IFT57: variants seen among roughly 807,000 people sequenced by gnomAD.
The protein encoded by IFT57 is intraflagellar transport 57.
A neutral mutation model predicts 56.8 loss-of-function variants in IFT57; 59 were observed. The ratio of observed to expected loss-of-function variants is 1.04; its 90% CI spans 0.84 to 1.29. The LOEUF (loss-of-function observed/expected upper bound fraction) is 1.29, where lower values mean the gene tolerates loss of function less well. IFT57 is among the 50% of genes most tolerant of loss of function. The pLI, the probability that IFT57 is intolerant of heterozygous loss-of-function variation, is 0.00. For missense variants in IFT57, 470 were observed against 522.1 expected (o/e 0.90, Z 0.97); for synonymous variants, 209 against 186.1 (o/e 1.12, Z -1.00).
At chr3:108,208,797 C>T (rs1390335599) in intron 4 of IFT57, among the ~76,000 whole-genome samples, 1 of 152,156 alleles carries the variant, frequency 6.6e-6, no homozygotes, top group East Asian at 1.9e-4. Context: ...GCAAAGAAGG[C>T]AATTACTGTA....
At chr3:108,209,633 A>G (rs1294019388) in intron 4 of IFT57, among the ~76,000 whole-genome samples, 2 of 152,364 alleles carry the variant, frequency 1.3e-5, no homozygotes, top group Admixed American at 6.5e-5. Flanking sequence ...GCTATCACCA[A>G]TGCGGATGGG....
At chr3:108,190,302 G>T (rs1272148937) in intron 6 of IFT57, among the ~76,000 whole-genome samples, 1 of 152,152 alleles carries the variant, frequency 6.6e-6, no homozygotes, top group Non-Finnish European at 1.5e-5. Flanking sequence ...AGAGGCCGGG[G>T]CAGAATTACA....
intron 6 of IFT57, among the ~76,000 whole-genome samples, chr3:108,168,755 T>G (rs1456366337): frequency 6.6e-6 from 1 of 152,052 alleles, no homozygotes; most frequent in Non-Finnish European, 1.5e-5. Flanking sequence ...TTTGGTTTTC[T>G]GTTCCTGTGT....
At chr3:108,220,024 G>T (rs1307591757) in intron 1 of IFT57, among the ~76,000 whole-genome samples, 1 of 152,152 alleles carries the variant, frequency 6.6e-6, no homozygotes, top group Non-Finnish European at 1.5e-5. Flanking sequence ...TTTCTATGTT[G>T]GCTGCATATT....
chr3:108,179,308 G>A (rs1471399877), intron 6 of IFT57, among the ~76,000 whole-genome samples: 1 of 151,848 alleles, frequency 6.6e-6, no homozygotes, highest in Non-Finnish European at 1.5e-5. Flanking sequence ...CTCATCTAGG[G>A]TCAACAATTC....
At chr3:108,213,180 A>T (rs1465846694) in intron 4 of IFT57, among the ~76,000 whole-genome samples, 2 of 152,162 alleles carry the variant, frequency 1.3e-5, no homozygotes, top group Non-Finnish European at 2.9e-5. Context: ...TCAAGTCAAC[A>T]GTAGGCTATT....
chr3:108,180,149 C>T (rs1028473316), intron 6 of IFT57, among the ~76,000 whole-genome samples: 10 of 151,968 alleles, frequency 6.6e-5, no homozygotes, highest in African/African-American at 1.9e-4. Context: ...AAATATAATA[C>T]CTTTTAGTGA....
At chr3:108,209,629 A>G (rs1230850235) in intron 4 of IFT57, among the ~76,000 whole-genome samples, 2 of 152,240 alleles carry the variant, frequency 1.3e-5, no homozygotes, top group Admixed American at 1.3e-4. Context: ...GGTTGCTATC[A>G]CCAATGCGGA....
At chr3:108,214,233 C>A (rs950972017) in intron 3 of IFT57, among the ~76,000 whole-genome samples, 6 of 152,068 alleles carry the variant, frequency 3.9e-5, no homozygotes, top group Admixed American at 3.9e-4. Context: ...TGAGATGATA[C>A]TATGCATGGT....
At chr3:108,172,219 G>A (rs538905251) in intron 6 of IFT57, among the ~76,000 whole-genome samples, 2 of 151,908 alleles carry the variant, frequency 1.3e-5, no homozygotes, top group South Asian at 2.1e-4. Context: ...AAAGATGTGC[G>A]GAGGAAGCAT....
At chr3:108,169,910 C>T (rs9869274) in intron 6 of IFT57, among the ~76,000 whole-genome samples, 14,646 of 151,874 alleles carry the variant, frequency 0.096, 770 homozygotes, top group Middle Eastern at 0.12. Context: ...CATGATTATC[C>T]CAATAGATGC....
chr3:108,216,076 G>C (rs900199737), intron 3 of IFT57, among the ~76,000 whole-genome samples: 1 of 152,128 alleles, frequency 6.6e-6, no homozygotes, highest in South Asian at 2.1e-4. Context: ...GTCTGGGCAA[G>C]AATTTTTTGG....
At position 108,200,382 on chromosome 3, in the gene IFT57, C is replaced by T. The variant is rs1172798045; in HGVS notation, c.654+6246G>A. 3.9e-5 allele frequency among the ~76,000 whole-genome samples: 6 copies of T among 152,038 alleles called. No homozygotes were observed. In the South Asian group the frequency reaches 6.3e-4, roughly 16 times the overall value. ...AGCATCCACGGGTCTTAATGACTAC[C>T]GAGATGGCCTGGGTAAAGATGAATC... is the stretch of plus-strand genomic sequence containing the variant. On this transcript the variant is annotated intron_variant, in intron 5 of 10. Transcript: ENST00000264538.
At chr3:108,190,140 C>G (rs185612671) in intron 6 of IFT57, among the ~76,000 whole-genome samples, 43 of 152,250 alleles carry the variant, frequency 2.8e-4, no homozygotes, top group African/African-American at 1.0e-3. Flanking sequence ...CCTGATTTTA[C>G]AGGCTACTAG....
intron 8 of IFT57, 85 bp from the exon 9 acceptor site, chr3:108,165,578 T>C: frequency 9.9e-7 from 1 of 1,011,620 alleles, no homozygotes; most frequent in Non-Finnish European, 1.6e-6. Context: ...TTGCAATTTC[T>C]GCAGGTCATT....
At chr3:108,170,734 C>T (rs1213181184) in intron 6 of IFT57, among the ~76,000 whole-genome samples, 1 of 151,310 alleles carries the variant, frequency 6.6e-6, no homozygotes, top group Non-Finnish European at 1.5e-5. Context: ...AGGCATCATG[C>T]TACTTGACTT....
intron 5 of IFT57, among the ~76,000 whole-genome samples, chr3:108,198,016 C>T (rs2108320236): frequency 6.6e-6 from 1 of 152,214 alleles, no homozygotes; most frequent in South Asian, 2.1e-4. Flanking sequence ...CTATTACATG[C>T]CAAACACGGT....
chr3:108,220,955 A>T (rs1206565559), intron 1 of IFT57, among the ~76,000 whole-genome samples: 1 of 152,220 alleles, frequency 6.6e-6, no homozygotes, highest in Non-Finnish European at 1.5e-5. Flanking sequence ...TTTTCATTTT[A>T]AAAATATACT....
chr3:108,213,371 G>C (rs910803813), intron 4 of IFT57, among the ~76,000 whole-genome samples: 1 of 152,086 alleles, frequency 6.6e-6, no homozygotes, highest in East Asian at 1.9e-4. Flanking sequence ...TCTAATTCTA[G>C]TTCTGAGAAT....
Sources: allele counts gnomAD v4.1 joint callset (sites outside exome capture counted in the v4.1 genomes callset), GRCh38; gene constraint gnomAD v4.1.1; transcripts MANE v1.5; gene names NCBI Gene and HGNC (gene_info 2026-07-23, HGNC 2026-07-21).